ADGRG3: variants seen among roughly 807,000 people sequenced by gnomAD.
The protein encoded by ADGRG3 is G protein-coupled receptor 97.
In ADGRG3, 39 loss-of-function variants were observed where a neutral mutation model predicts 54.3. The ratio of observed to expected loss-of-function variants is 0.72; its 90% confidence interval spans 0.56 to 0.94. The LOEUF is 0.94. Ranked by LOEUF, ADGRG3 falls within the 40% of genes least tolerant of loss-of-function variation. The pLI is 0.00. For synonymous variants in ADGRG3, 312 were observed against 290.0 expected (o/e 1.08, Z -0.77); for missense variants, 654 against 694.6 (o/e 0.94, Z 0.66).
At chr16:57,666,366 A>G (rs151150032), upstream of ADGRG3, among the ~76,000 whole-genome samples, 515 of 152,342 alleles carry the variant, frequency 3.4e-3, 1 homozygote, top group African/African-American at 0.012. Context: ...TGCACAGGGC[A>G]CCAACAGTTC....
rs1268993386 is a variant in ADGRG3, at chr16:57,678,190, G to C, written c.366G>C (p.Lys122Asn). 1 of 1,614,178 alleles carries C rather than the reference G, an allele frequency of 6.2e-7. No individual in the cohort carries two copies. Among genetic ancestry groups the C allele is most frequent in the Admixed American group, 1.7e-5 (1 of 60,028 alleles). The change falls in exon 4 of 12, where the codon AAG becomes AAC. Residue 122 changes from lysine to asparagine, a missense_variant. Coordinates refer to ENST00000333493, the MANE Select transcript of ADGRG3 (RefSeq NM_170776.5). ...EPSQVPRQVMKDEDKPPDRVR... is the reference protein window; with the variant it reads ...EPSQVPRQVMNDEDKPPDRVR... ...TGTAGGTTCCGAGGCAGGTGATGAAGGACGAGGACAAGCCCCCTGACAGAG... is the reference window on the plus strand; with the variant it reads ...TGTAGGTTCCGAGGCAGGTGATGAACGACGAGGACAAGCCCCCTGACAGAG...
chr16:57,666,643 G>A (rs1378429865), upstream of ADGRG3, among the ~76,000 whole-genome samples: 1 of 152,164 alleles, frequency 6.6e-6, no homozygotes, highest in African/African-American at 2.4e-5. Flanking sequence ...TTGGCCCTGG[G>A]GTTGGGGGGG....
chr16:57,670,693 T>C (rs1441791259), intron 1 of ADGRG3, among the ~76,000 whole-genome samples: 1 of 152,232 alleles, frequency 6.6e-6, no homozygotes, highest in Admixed American at 6.5e-5. Flanking sequence ...AAATTTACAG[T>C]TCCTTTATAA....
At chr16:57,667,768 C>T (rs1257016223), upstream of ADGRG3, among the ~76,000 whole-genome samples, 42 of 152,188 alleles carry the variant, frequency 2.8e-4, no homozygotes, top group Non-Finnish European at 6.2e-4. Flanking sequence ...TGCTCTCCTC[C>T]CACACCCTCC....
At chr16:57,666,116 C>T (rs965869303), upstream of ADGRG3, among the ~76,000 whole-genome samples, 1 of 152,206 alleles carries the variant, frequency 6.6e-6, no homozygotes, top group Non-Finnish European at 1.5e-5. Flanking sequence ...TCAAAGCCAG[C>T]TTCCCTCCTT....
rs905210245 is a variant in ADGRG3 at position 57,684,015 on chromosome 16, C to T, written c.965C>T (p.Ala322Val). ...GGCAGCCTGTTCCTCCTGAATCTGG[C>T]CTTCTTGGTCAATGTGGGGAGTGGC... ...LGGSLFLLNLAFLVNVGSGSK... is the reference protein window; with the variant it reads ...LGGSLFLLNLVFLVNVGSGSK... Residue 322 changes from alanine (A) to valine (V), a missense_variant, in exon 9 of 12, where the codon GCC becomes GTC. Ala to Val is a moderately conservative substitution (Grantham distance 64, BLOSUM62 0). Transcript: ENST00000333493. The T allele has an allele frequency of 2.4e-5, 38 of 1,611,456 alleles. No individual in the cohort carries two copies. The highest frequency in any genetic ancestry group is 3.2e-5 in the Non-Finnish European group (38 of 1,178,168).
Position 57,688,406 on chromosome 16 carries a change from C to G in ADGRG3, c.1595C>G (p.Thr532Arg), listed in dbSNP as rs1597785459. 1 of 1,613,772 alleles carries G rather than the reference C, an allele frequency of 6.2e-7. No homozygotes were observed. The highest frequency in any genetic ancestry group is 2.2e-5 in the East Asian group (1 of 44,876). Residue 532 changes from threonine to arginine, a missense_variant, in exon 12 of 12, where the codon ACA becomes AGA. By Grantham distance (71) the Thr-to-Arg change is moderately conservative. Coordinates refer to ENST00000333493, the MANE Select transcript of ADGRG3 (RefSeq NM_170776.5). ...CTTTACCTCCCAAGTCAGAGCACCA[C>G]AGTCTCCTCCTCTACTGCAAGATTG... ...TILYLPSQST[T>R]VSSSTARLDQ...
chr16:57,678,888 C>A lies in ADGRG3; in HGVS notation c.493-289C>A, dbSNP rs1467546593. On this transcript the variant is annotated intron_variant, in intron 4 of 11. Transcript: ENST00000333493. ...ACTTCCATTTCTTGGCTGATCTTGG[C>A]CCCATGCCCCCTCTAGTTAAGAGGG... 4 of 476,392 alleles carry A rather than the reference C, an allele frequency of 8.4e-6. No homozygotes were observed. In the Admixed American group the frequency reaches 1.1e-4, roughly 13 times the overall value. The allele number at this position is 476,392 out of a possible 1,614,324, so 29.5% of individuals were successfully genotyped here. A position where few individuals can be genotyped will look rare whatever the true frequency, so the allele number is the denominator to read the frequency against.
At chr16:57,672,343 TAGTG>T (rs763510900) in intron 1 of ADGRG3, among the ~76,000 whole-genome samples, 18 of 152,202 alleles carry the variant, frequency 1.2e-4, no homozygotes, top group Middle Eastern at 6.8e-3. Flanking sequence ...CTGGGCAACA[TAGTG>T]AGAACCCCCT....
intron 3 of ADGRG3, 105 bp downstream of exon 3, chr16:57,676,443 T>C: frequency 9.3e-7 from 1 of 1,071,408 alleles, no homozygotes; most frequent in Non-Finnish European, 1.4e-6. Context: ...CTAGGGCTTG[T>C]CCCTCCCCCA....
intron 1 of ADGRG3, among the ~76,000 whole-genome samples, chr16:57,670,395 G>T (rs1449827648): frequency 6.6e-6 from 1 of 152,172 alleles, no homozygotes; most frequent in Non-Finnish European, 1.5e-5. Context: ...CAATCCGGGA[G>T]GGAGGCCTGC....
chr16:57,676,532 C>T (rs1157710012), intron 3 of ADGRG3, among the ~76,000 whole-genome samples, 194 bp downstream of exon 3: 1 of 152,194 alleles, frequency 6.6e-6, no homozygotes, highest in East Asian at 1.9e-4. Context: ...AGCTCCTCTA[C>T]TGAGGGAACA....
In ADGRG3 at chr16:57,675,012, A is replaced by AAAGC. The variant is rs35561154; in HGVS notation, c.207-1187_207-1186insAGCA. On this transcript the variant is annotated intron_variant, in intron 2 of 11. Transcript: ENST00000333493. ...CTCCATCTCAAAAAAAAAAAAAAAA[A>AAAGC]AGCAGCAGCAGCAGCAGCAGCAGCA... 2.1e-3 allele frequency among the ~76,000 whole-genome samples: 248 copies of AAAGC among 115,410 alleles called. 4 individuals carry two copies. The highest frequency in any genetic ancestry group is 0.015 in the East Asian group (59 of 3,966). The allele number at this position is 115,410 out of a possible 152,430, so 75.7% of individuals were successfully genotyped here. A position where few individuals can be genotyped will look rare whatever the true frequency, so the allele number is the denominator to read the frequency against.
chr16:57,684,511 G>C, intron 10 of ADGRG3, 28 bp downstream of exon 10: 3 of 1,515,602 alleles, frequency 2.0e-6, no homozygotes, highest in Non-Finnish European at 2.7e-6. Flanking sequence ...GAGCAGGGGT[G>C]ATGCCAGCTC....
rs2048261695 is a variant in ADGRG3, at chr16:57,676,253, T to C, written c.260T>C (p.Val87Ala). Residue 87 changes from valine (V) to alanine (A), a missense_variant, in exon 3 of 12, where the codon GTG (valine) becomes GCG (alanine). Transcript: ENST00000333493. ...ATGAAGGAAGGTTTGACGCAGAAGGTGAACACGCCTTTCCTGAAGGCTTTG... is the reference window on the plus strand; with the variant it reads ...ATGAAGGAAGGTTTGACGCAGAAGGCGAACACGCCTTTCCTGAAGGCTTTG... ...HLMKEGLTQKVNTPFLKALVQ... is the reference protein window; with the variant it reads ...HLMKEGLTQKANTPFLKALVQ... 1.2e-6 allele frequency: 2 copies of C among 1,614,038 alleles called. No homozygotes were observed. The highest frequency in any genetic ancestry group is 1.7e-6 in the Non-Finnish European group (2 of 1,179,928).
At chr16:57,668,011 C>G (rs2048084728), upstream of ADGRG3, among the ~76,000 whole-genome samples, 3 of 152,226 alleles carry the variant, frequency 2.0e-5, no homozygotes, top group Admixed American at 1.3e-4. Flanking sequence ...CACCACAGTT[C>G]CCAGGGATCC....
intron 8 of ADGRG3, among the ~76,000 whole-genome samples, chr16:57,683,424 CT>C (rs1395732231): frequency 2.0e-5 from 3 of 152,180 alleles, no homozygotes; most frequent in Non-Finnish European, 4.4e-5. Context: ...CTTTTTCTCT[CT>C]AATGTAAATG....
At chr16:57,667,302 C>A (rs575888870), upstream of ADGRG3, among the ~76,000 whole-genome samples, 1 of 152,358 alleles carries the variant, frequency 6.6e-6, no homozygotes, top group East Asian at 1.9e-4. Context: ...ATGCCAGCAA[C>A]CACACACCTT....
chr16:57,685,182 C>T (rs979368607), intron 10 of ADGRG3, among the ~76,000 whole-genome samples: 1 of 152,170 alleles, frequency 6.6e-6, no homozygotes, highest in African/African-American at 2.4e-5. Context: ...GTCCCCAGGC[C>T]TCAAAAGCAG....
Sources: gnomAD v4.1 joint callset for allele counts (sites outside exome capture counted in the v4.1 genomes callset) on GRCh38, gnomAD v4.1.1 for gene constraint, MANE v1.5 for transcripts, NCBI Gene and HGNC (gene_info 2026-07-23, HGNC 2026-07-21) for gene names.